CWC22: variants seen among roughly 807,000 people sequenced by gnomAD.
The protein encoded by CWC22 is CWC22 spliceosome associated protein, also known as pre-mRNA-splicing factor CWC22 homolog.
CWC22 carries 53 observed loss-of-function variants against 117.2 expected under a neutral mutation model. The ratio of observed to expected loss-of-function variants is 0.45; its 90% CI spans 0.36 to 0.57. The LOEUF (loss-of-function observed/expected upper bound fraction) is 0.57, where lower values mean the gene tolerates loss of function less well. Ranked by LOEUF, CWC22 falls within the 20% of genes least tolerant of loss-of-function variation. The pLI is 0.00. For missense variants in CWC22, 980 were observed against 1,068.8 expected (o/e 0.92, Z 1.16); for synonymous variants, 360 against 355.6 (o/e 1.01, Z -0.14).
At chr2:179,965,305 A>C (rs977757924) in intron 12 of CWC22, among the ~76,000 whole-genome samples, 1 of 152,218 alleles carries the variant, frequency 6.6e-6, no homozygotes, top group African/African-American at 2.4e-5. Context: ...AATACATGTA[A>C]ATAATGACCA....
chr2:179,973,649 A>G lies in CWC22; in HGVS notation c.735T>C (p.Tyr245=). Residue 245 remains tyrosine (Y), a synonymous_variant, in exon 7 of 20, where the codon TAT becomes TAC. Coordinates refer to ENST00000410053, the MANE Select transcript of CWC22 (RefSeq NM_020943.3). ...TCATATATACCTTGTCATTTCTTCG[A>G]TAGCCTTTTCGAAAATTAAGAATTA... ...KRLILNFRKG[Y]RRNDKQLCLT... 6.2e-7 allele frequency: 1 copy of G among 1,601,880 alleles called. No homozygotes were observed. The highest frequency in any genetic ancestry group is 8.5e-7 in the Non-Finnish European group (1 of 1,172,142).
chr2:179,959,712 A>G (rs896088338), intron 13 of CWC22, among the ~76,000 whole-genome samples: 5 of 152,074 alleles, frequency 3.3e-5, no homozygotes, highest in African/African-American at 9.7e-5. Context: ...CTGTTAACAC[A>G]ATGGTAAGTA....
chr2:179,967,600 T>C (rs1206503489), intron 11 of CWC22, among the ~76,000 whole-genome samples: 5 of 152,236 alleles, frequency 3.3e-5, no homozygotes, highest in Non-Finnish European at 1.5e-5. Context: ...ATGTATTCTT[T>C]ACTGCCACCC....
In CWC22 at chr2:179,955,022, T is replaced by G. The variant is rs778679787; in HGVS notation, c.1471A>C (p.Asn491His). The change falls in exon 15 of 20, where the codon AAC becomes CAC. Residue 491 changes from asparagine (N) to histidine (H), a missense_variant. Physicochemically the swap from Asn to His is moderately conservative, Grantham distance 68. Coordinates refer to ENST00000410053, the MANE Select transcript of CWC22 (RefSeq NM_020943.3). Reference protein sequence around the residue: ...FPESQTKELCNMILDCCAQQR... With the variant: ...FPESQTKELCHMILDCCAQQR... ...TGGGCACAGCAATCAAGTATCATGT[T>G]GCAGAGTTCTTTCTATTTGGGAAAA... 2 of 1,598,050 alleles carry G rather than the reference T, an allele frequency of 1.3e-6. No homozygotes were observed. Among genetic ancestry groups the G allele is most frequent in the South Asian group, 2.3e-5 (2 of 88,118 alleles).
In CWC22 at chr2:179,973,332, A is replaced by G. The variant is rs573485918; in HGVS notation, c.751-86T>C. 694 of 883,732 alleles carry G rather than the reference A, an allele frequency of 7.9e-4. 14 individuals carry two copies. The South Asian group carries it at 0.01, about 13-fold the overall frequency. 54.7% of individuals were successfully genotyped at this position (883,732 alleles called of 1,614,324 possible). ...AATCTATGGCCTACTAACATCATCT[A>G]TTTAAAACATGTACCACACAAGTAT... On this transcript the variant is annotated intron_variant, in intron 7 of 19. Transcript: ENST00000410053.
At chr2:179,989,793 T>C (rs991608233) in intron 2 of CWC22, among the ~76,000 whole-genome samples, 1 of 152,126 alleles carries the variant, frequency 6.6e-6, no homozygotes, top group African/African-American at 2.4e-5. Context: ...CAAGCCTTTT[T>C]TTAAGAATTA....
chr2:179,967,157 A>C (rs1686912203), intron 11 of CWC22, among the ~76,000 whole-genome samples: 1 of 152,236 alleles, frequency 6.6e-6, no homozygotes, highest in Admixed American at 6.5e-5. Flanking sequence ...GAGCTAAAAC[A>C]CAAGTACACC....
At chr2:179,981,637 T>C in intron 5 of CWC22, 115 bp downstream of exon 5, 1 of 781,176 alleles carries the variant, frequency 1.3e-6, no homozygotes, top group Non-Finnish European at 2.0e-6. Flanking sequence ...TAATTTGAGG[T>C]CTCTATCACT....
chr2:179,958,370 A>C (rs923737512), intron 14 of CWC22, among the ~76,000 whole-genome samples: 1 of 151,346 alleles, frequency 6.6e-6, no homozygotes, highest in Non-Finnish European at 1.5e-5. Context: ...AAATTATATA[A>C]ATTTTTCTAT....
Position 179,973,621 on chromosome 2 carries a change from C to T in CWC22, c.750+13G>A, listed in dbSNP as rs1253647319. ...CCTATGTATCATTCTACTTACAAGCCATTCATATATACCTTGTCATTTCTT... is the reference window on the plus strand; with the variant it reads ...CCTATGTATCATTCTACTTACAAGCTATTCATATATACCTTGTCATTTCTT... On this transcript the variant is annotated intron_variant, in intron 7 of 19. Coordinates refer to ENST00000410053, the MANE Select transcript of CWC22 (RefSeq NM_020943.3). 2.0e-6 allele frequency: 3 copies of T among 1,508,420 alleles called. No homozygotes were observed. The African/African-American group carries it at 4.1e-5, about 21-fold the overall frequency. The allele number at this position is 1,508,420 out of a possible 1,614,324, so 93.4% of individuals were successfully genotyped here. A position where few individuals can be genotyped will look rare whatever the true frequency, so the allele number is the denominator to read the frequency against.
At chr2:179,988,097 T>C (rs1467514429) in intron 3 of CWC22, among the ~76,000 whole-genome samples, 3 of 152,196 alleles carry the variant, frequency 2.0e-5, no homozygotes, top group African/African-American at 7.2e-5. Context: ...CCACAGGTGA[T>C]CTGCCAGGAG....
intron 1 of CWC22, among the ~76,000 whole-genome samples, chr2:179,998,946 AAATTTACATATTTC>A (rs894293535): frequency 3.3e-5 from 5 of 152,236 alleles, no homozygotes; most frequent in South Asian, 2.1e-4. Context: ...ATTTCTATTT[AAATTTACATATTTC>A]AATTTACATA....
intron 12 of CWC22, among the ~76,000 whole-genome samples, chr2:179,965,191 T>C (rs1182095531): frequency 6.6e-6 from 1 of 152,224 alleles, no homozygotes; most frequent in African/African-American, 2.4e-5. Context: ...AAAAATTAAA[T>C]CTATTTTTAC....
At chr2:179,981,075 C>T (rs1357758129) in intron 5 of CWC22, among the ~76,000 whole-genome samples, 1 of 152,100 alleles carries the variant, frequency 6.6e-6, no homozygotes, top group African/African-American at 2.4e-5. Flanking sequence ...AATGTATAGT[C>T]TAATAGATCA....
chr2:179,964,513 C>CA, intron 13 of CWC22, 34 bp downstream of exon 13: 1 of 1,279,876 alleles, frequency 7.8e-7, no homozygotes, highest in Non-Finnish European at 1.1e-6. Flanking sequence ...TTATCAAAAA[C>CA]AAAAAAAGGA....
In CWC22 at chr2:179,954,998, G is replaced by C; in HGVS notation, c.1495C>G (p.Gln499Glu). ...AAAAATTTTTCGTATGTCCTCTGTTGGGCACAGCAATCAAGTATCATGTTG... is the reference window on the plus strand; with the variant it reads ...AAAAATTTTTCGTATGTCCTCTGTTCGGCACAGCAATCAAGTATCATGTTG... ...LCNMILDCCA[Q>E]QRTYEKFFGL... The change falls in exon 15 of 20, where the codon CAA becomes GAA. Residue 499 changes from glutamine (Q) to glutamate (E), a missense_variant. By Grantham distance (29) the Gln-to-Glu change is conservative. Around this residue, in one of 3 missense-constraint regions of CWC22, gnomAD observed 559 missense variants for 602.3 expected, o/e 0.93. Coordinates refer to ENST00000410053, the MANE Select transcript of CWC22 (RefSeq NM_020943.3). 6.2e-7 allele frequency: 1 copy of C among 1,602,040 alleles called. No individual in the cohort carries two copies. Among genetic ancestry groups the C allele is most frequent in the Non-Finnish European group, 8.5e-7 (1 of 1,173,726 alleles).
chr2:179,986,614 T>G (rs1211585102), intron 4 of CWC22, 81 bp downstream of exon 4: 2 of 745,790 alleles, frequency 2.7e-6, no homozygotes, highest in Non-Finnish European at 4.4e-6. Context: ...CTAGTATTAT[T>G]TTTGTTTTTA....
At chr2:180,001,185 T>A (rs1687837793) in intron 1 of CWC22, among the ~76,000 whole-genome samples, 1 of 152,190 alleles carries the variant, frequency 6.6e-6, no homozygotes, top group Non-Finnish European at 1.5e-5. Context: ...CATGTTGAAC[T>A]TTTTAATGAT....
At position 179,986,878 on chromosome 2, in the gene CWC22, T is replaced by C. The variant is rs896006117; in HGVS notation, c.96-73A>G. The stretch of plus-strand genomic sequence containing the variant: ...TATAAATATTTAGGAAAGTCATATA[T>C]TGGTAATGGTAAAGCAACTCTATGA... On this transcript the variant is annotated intron_variant, in intron 3 of 19. Coordinates refer to ENST00000410053, the MANE Select transcript of CWC22 (RefSeq NM_020943.3). The C allele has an allele frequency of 3.2e-5, 25 of 780,034 alleles. No homozygotes were observed. In the South Asian group the frequency reaches 4.5e-4, roughly 14 times the overall value. 48.3% of individuals were successfully genotyped at this position (780,034 alleles called of 1,614,324 possible). A position where few individuals can be genotyped will look rare whatever the true frequency, so the allele number is the denominator to read the frequency against.
Sources: allele counts gnomAD v4.1 joint callset (sites outside exome capture counted in the v4.1 genomes callset), GRCh38; gene constraint gnomAD v4.1.1; regional missense constraint gnomAD v4.1.1; transcripts MANE v1.5; gene names NCBI Gene and HGNC (gene_info 2026-07-23, HGNC 2026-07-21).